ASTN2: variants seen among roughly 807,000 people sequenced by gnomAD.
The protein encoded by ASTN2 is astrotactin-2.
Under a neutral mutation model 139.8 loss-of-function variants are expected in ASTN2, and 54 were observed. The observed-to-expected ratio is 0.39, with a 90% CI of 0.31 to 0.48. The LOEUF (loss-of-function observed/expected upper bound fraction) is 0.48. Ranked by LOEUF, ASTN2 falls within the 20% of genes least tolerant of loss-of-function variation. The pLI, the probability that ASTN2 is intolerant of heterozygous loss-of-function variation, is 0.95. For synonymous variants in ASTN2, 756 were observed against 719.5 expected (o/e 1.05, Z -0.81); for missense variants, 1,565 against 1,725.1 (o/e 0.91, Z 1.64).
intron 1 of ASTN2, among the ~76,000 whole-genome samples, chr9:117,352,842 T>C (rs1208695220): frequency 6.6e-6 from 1 of 152,122 alleles, no homozygotes; most frequent in Non-Finnish European, 1.5e-5. Context: ...TAAAAAAGAA[T>C]GAAGCTTTGA....
At chr9:117,102,984 G>A (rs1261756015) in intron 4 of ASTN2, among the ~76,000 whole-genome samples, 1 of 151,988 alleles carries the variant, frequency 6.6e-6, no homozygotes, top group Non-Finnish European at 1.5e-5. Context: ...GGCACAGAGT[G>A]GAAGAATTAC....
At chr9:116,690,392 C>A (rs980053585) in intron 16 of ASTN2, among the ~76,000 whole-genome samples, 1 of 152,194 alleles carries the variant, frequency 6.6e-6, no homozygotes, top group Admixed American at 6.5e-5. Context: ...CTGTCTTACA[C>A]CTATGTTACA....
intron 19 of ASTN2, among the ~76,000 whole-genome samples, chr9:116,492,987 G>A (rs758283667): frequency 5.3e-5 from 8 of 151,824 alleles, no homozygotes; most frequent in East Asian, 3.9e-4. Flanking sequence ...ATATACTAGC[G>A]GTCCATGTTT....
intron 19 of ASTN2, among the ~76,000 whole-genome samples, chr9:116,566,360 T>A (rs1229099143): frequency 6.6e-6 from 1 of 152,208 alleles, no homozygotes; most frequent in Non-Finnish European, 1.5e-5. Flanking sequence ...TGTTTTTCTA[T>A]GTAGCCTTTA....
At chr9:117,202,073 C>A (rs1232013418) in intron 3 of ASTN2, among the ~76,000 whole-genome samples, 1 of 152,038 alleles carries the variant, frequency 6.6e-6, no homozygotes, top group South Asian at 2.1e-4. Flanking sequence ...TTGTTGAATT[C>A]TTCCTGTTAC....
intron 16 of ASTN2, among the ~76,000 whole-genome samples, chr9:116,665,321 C>T (rs371877474): frequency 1.1e-4 from 16 of 152,232 alleles, no homozygotes; most frequent in African/African-American, 3.6e-4. Context: ...TAAGCCATTA[C>T]GTTACTGTGA....
chr9:117,145,568 T>C (rs578008911), intron 3 of ASTN2, among the ~76,000 whole-genome samples: 1 of 152,310 alleles, frequency 6.6e-6, no homozygotes, highest in South Asian at 2.1e-4. Context: ...TTCTGCCCAG[T>C]GTCCCTTTTC....
chr9:116,795,166 G>T (rs1045183545), intron 13 of ASTN2, among the ~76,000 whole-genome samples: 12 of 152,258 alleles, frequency 7.9e-5, no homozygotes, highest in African/African-American at 2.9e-4. Context: ...TTTTAATAGA[G>T]ACGTGGTTTC....
chr9:117,026,107 T>C (rs1483793214), intron 6 of ASTN2, among the ~76,000 whole-genome samples: 1 of 151,834 alleles, frequency 6.6e-6, no homozygotes, highest in Non-Finnish European at 1.5e-5. Flanking sequence ...TTTCTTTTCT[T>C]TCTTTTTTTT....
chr9:116,725,308 G>T (rs575023720), intron 16 of ASTN2, among the ~76,000 whole-genome samples: 1 of 151,978 alleles, frequency 6.6e-6, no homozygotes. Flanking sequence ...AATGGAAACC[G>T]TCTGCTTGGT....
intron 2 of ASTN2, among the ~76,000 whole-genome samples, chr9:117,237,593 C>T (rs1751246574): frequency 6.6e-6 from 1 of 152,182 alleles, no homozygotes; most frequent in Non-Finnish European, 1.5e-5. Context: ...AATTCTCTTG[C>T]CTCAGCCTCC....
At chr9:117,101,604 T>G (rs916415496) in intron 4 of ASTN2, among the ~76,000 whole-genome samples, 2 of 152,158 alleles carry the variant, frequency 1.3e-5, no homozygotes, top group Non-Finnish European at 2.9e-5. Context: ...GTACCTTACA[T>G]GCAATATCCC....
At chr9:116,557,005 G>A (rs578201657) in intron 19 of ASTN2, among the ~76,000 whole-genome samples, 3 of 151,916 alleles carry the variant, frequency 2.0e-5, no homozygotes, top group African/African-American at 7.2e-5. Flanking sequence ...GGTGGACCAC[G>A]AGGTTAGGAG....
At chr9:116,567,052 G>A (rs990532138) in intron 19 of ASTN2, among the ~76,000 whole-genome samples, 13 of 152,308 alleles carry the variant, frequency 8.5e-5, no homozygotes, top group Admixed American at 8.5e-4. Flanking sequence ...ACATATGAAG[G>A]AACCAAGGCT....
Position 116,597,299 on chromosome 9 carries a change from A to ATTTTTTTTTTTT in ASTN2, c.3355+21013_3355+21024dup, listed in dbSNP as rs757848093. 4.5e-4 allele frequency among the ~76,000 whole-genome samples: 34 copies of ATTTTTTTTTTTT among 75,530 alleles called. 6 individuals carry two copies. Among genetic ancestry groups the ATTTTTTTTTTTT allele is most frequent in the East Asian group, 1.5e-3 (3 of 2,046 alleles). 49.6% of individuals were successfully genotyped at this position (75,530 alleles called of 152,430 possible). On this transcript the variant is annotated intron_variant, in intron 19 of 22. Transcript: ENST00000313400. ...CAAAATATTCCATGACTTTTGATCT[A>ATTTTTTTTTTTT]TTTTTTTTTTTTTTTTTTTTTTTTG...
intron 9 of ASTN2, 129 bp downstream of exon 9, chr9:116,975,985 A>C (rs1264691268): frequency 2.5e-6 from 2 of 789,680 alleles, no homozygotes; most frequent in African/African-American, 3.4e-5. Context: ...AGTGCCAGGG[A>C]GAGTTCTTTT....
chr9:117,311,453 C>G (rs752005936), intron 1 of ASTN2, among the ~76,000 whole-genome samples: 1 of 152,122 alleles, frequency 6.6e-6, no homozygotes, highest in Non-Finnish European at 1.5e-5. Context: ...GATTGCCATC[C>G]ACTCTTTTTC....
At chr9:117,231,753 T>C (rs192693279) in intron 2 of ASTN2, among the ~76,000 whole-genome samples, 3 of 152,158 alleles carry the variant, frequency 2.0e-5, no homozygotes, top group East Asian at 1.9e-4. Flanking sequence ...TGAGAGAGGA[T>C]AGAAGGAAGT....
At chr9:116,474,156 C>T (rs1420354835) in intron 20 of ASTN2, among the ~76,000 whole-genome samples, 9 of 152,212 alleles carry the variant, frequency 5.9e-5, no homozygotes, top group Admixed American at 2.6e-4. Context: ...ACCCCATGCT[C>T]GTAGACTCTC....
Sources: gnomAD v4.1 joint callset for allele counts (sites outside exome capture counted in the v4.1 genomes callset) on GRCh38, gnomAD v4.1.1 for gene constraint, MANE v1.5 for transcripts, NCBI Gene and HGNC (gene_info 2026-07-23, HGNC 2026-07-21) for gene names.